CNTN4: variants seen among roughly 807,000 people sequenced by gnomAD.
The protein encoded by CNTN4 is contactin 4.
A neutral mutation model predicts 122.5 loss-of-function variants in CNTN4; 77 were observed. The ratio of observed to expected loss-of-function variants is 0.63; its 90% CI spans 0.52 to 0.76. The LOEUF (loss-of-function observed/expected upper bound fraction) is 0.76, where lower values mean the gene tolerates loss of function less well. Ranked by LOEUF, CNTN4 falls within the 30% of genes least tolerant of loss-of-function variation. CNTN4 has a pLI of 0.00. For synonymous variants in CNTN4, 512 were observed against 447.0 expected (o/e 1.15, Z -1.83); for missense variants, 1,256 against 1,259.1 (o/e 1.00, Z 0.04).
intron 2 of CNTN4, among the ~76,000 whole-genome samples, chr3:2,314,249 C>T (rs1177853497): frequency 6.6e-6 from 1 of 151,894 alleles, no homozygotes; most frequent in Non-Finnish European, 1.5e-5. Context: ...GTTTCATGCA[C>T]ACACATACAT....
At chr3:2,377,346 A>T (rs867784877) in intron 3 of CNTN4, among the ~76,000 whole-genome samples, 8 of 152,290 alleles carry the variant, frequency 5.3e-5, no homozygotes, top group Middle Eastern at 3.4e-3. Flanking sequence ...GTGCTTCATT[A>T]TACAAAGTAT....
rs569025804 is a variant in CNTN4, at chr3:2,374,642, G to A, written c.-89+35409G>A. Among the ~76,000 whole-genome samples, 9 of 151,808 alleles carry A rather than the reference G, an allele frequency of 5.9e-5. No homozygotes were observed. The South Asian group carries it at 1.9e-3, about 31-fold the overall frequency. On this transcript the variant is annotated intron_variant, in intron 3 of 24. Transcript: ENST00000418658. Reference sequence around the variant, plus strand: ...TGTGGCAAGGCTTGTTTGAAAAAAAGAAGAAAAAAAGGCCATGCTTCTAAT... The same window carrying A: ...TGTGGCAAGGCTTGTTTGAAAAAAAAAAGAAAAAAAGGCCATGCTTCTAAT...
At chr3:2,222,153 G>T (rs1042182917) in intron 2 of CNTN4, among the ~76,000 whole-genome samples, 2 of 152,150 alleles carry the variant, frequency 1.3e-5, no homozygotes, top group African/African-American at 4.8e-5. Flanking sequence ...CAACCCAGAT[G>T]TTCATTAACT....
chr3:3,054,301 G>C (rs567041549), intron 24 of CNTN4, among the ~76,000 whole-genome samples: 1 of 50,894 alleles, frequency 2.0e-5, no homozygotes, highest in Non-Finnish European at 6.8e-5. Flanking sequence ...AAAGTGAAAA[G>C]CATTGACTCA....
At chr3:2,983,180 C>T (rs1488482054) in intron 13 of CNTN4, among the ~76,000 whole-genome samples, 1 of 117,980 alleles carries the variant, frequency 8.5e-6, no homozygotes, top group African/African-American at 3.3e-5. Flanking sequence ...CAGCACTGCA[C>T]TCCAGCCTGG....
chr3:2,984,034 C>T (rs1031476394), intron 13 of CNTN4, among the ~76,000 whole-genome samples: 6 of 152,046 alleles, frequency 3.9e-5, no homozygotes, highest in African/African-American at 1.4e-4. Flanking sequence ...GACCCTAAAC[C>T]AATATCAGGC....
rs192398237 is a variant in CNTN4, at chr3:2,423,578, A to G, written c.-89+84345A>G. Among the ~76,000 whole-genome samples, 174 of 152,150 alleles carry G rather than the reference A, an allele frequency of 1.1e-3. 1 individual carries two copies. The highest frequency in any genetic ancestry group is 1.2e-4 in the Non-Finnish European group (8 of 67,988). ...CTAAAATGTACCTTAAATTCACTAC[A>G]AAAGAGAAAAGATGTTGATGAAAAA... On this transcript the variant is annotated intron_variant, in intron 3 of 24. Transcript: ENST00000418658.
chr3:2,477,871 G>T (rs146287909), intron 3 of CNTN4, among the ~76,000 whole-genome samples: 196 of 152,286 alleles, frequency 1.3e-3, no homozygotes, highest in Admixed American at 3.1e-3. Context: ...AAGGCAGTAA[G>T]CTCAGTAGGA....
At chr3:2,124,302 A>G (rs2033987614) in intron 2 of CNTN4, among the ~76,000 whole-genome samples, 2 of 152,180 alleles carry the variant, frequency 1.3e-5, no homozygotes, top group South Asian at 4.1e-4. Context: ...TAGCCATGCC[A>G]CTAAGGTCAA....
At chr3:2,400,194 C>G (rs892618986) in intron 3 of CNTN4, among the ~76,000 whole-genome samples, 2 of 151,688 alleles carry the variant, frequency 1.3e-5, no homozygotes, top group Non-Finnish European at 2.9e-5. Context: ...TCCTGTGTAA[C>G]CCTACCACGA....
At chr3:2,732,640 C>A (rs1199230475) in intron 4 of CNTN4, among the ~76,000 whole-genome samples, 2 of 152,160 alleles carry the variant, frequency 1.3e-5, no homozygotes, top group African/African-American at 2.4e-5. Flanking sequence ...GGATGCCTCT[C>A]CCCCTGTTTC....
intron 3 of CNTN4, among the ~76,000 whole-genome samples, chr3:2,565,436 C>G (rs975619130): frequency 3.3e-5 from 5 of 152,098 alleles, no homozygotes; most frequent in African/African-American, 7.2e-5. Flanking sequence ...GAAAATCCAG[C>G]AAGTTATTTG....
intron 3 of CNTN4, among the ~76,000 whole-genome samples, chr3:2,428,253 G>T (rs1452888717): frequency 6.6e-6 from 1 of 152,168 alleles, no homozygotes; most frequent in Non-Finnish European, 1.5e-5. Flanking sequence ...AGGAGCTCTT[G>T]TAAGGCAGGC....
chr3:2,417,160 T>A (rs2047447363), intron 3 of CNTN4, among the ~76,000 whole-genome samples: 1 of 152,194 alleles, frequency 6.6e-6, no homozygotes, highest in South Asian at 2.1e-4. Context: ...TTTAGCTTAC[T>A]TCCATTTCTC....
chr3:2,201,839 TAGAC>T (rs1280039971), intron 2 of CNTN4, among the ~76,000 whole-genome samples: 1 of 152,178 alleles, frequency 6.6e-6, no homozygotes, highest in Admixed American at 6.6e-5. Context: ...TTTTATCAGA[TAGAC>T]AGTGAGCCAT....
At chr3:2,182,084 A>G (rs2037041679) in intron 2 of CNTN4, among the ~76,000 whole-genome samples, 2 of 152,186 alleles carry the variant, frequency 1.3e-5, no homozygotes, top group Admixed American at 1.3e-4. Flanking sequence ...ATAAATTACA[A>G]GTTCCACCAT....
chr3:2,394,720 T>C (rs998609153), intron 3 of CNTN4, among the ~76,000 whole-genome samples: 4 of 152,110 alleles, frequency 2.6e-5, no homozygotes, highest in African/African-American at 9.7e-5. Context: ...ATGTTTATTA[T>C]GTTTGTACAC....
chr3:2,307,613 G>A (rs1559438195), intron 2 of CNTN4, among the ~76,000 whole-genome samples: 2 of 151,682 alleles, frequency 1.3e-5, no homozygotes, highest in South Asian at 4.2e-4. Context: ...TTCCTTGAGT[G>A]TTTTTTTATC....
chr3:3,022,042 T>C (rs1269905052), intron 14 of CNTN4, among the ~76,000 whole-genome samples: 3 of 134,900 alleles, frequency 2.2e-5, no homozygotes, highest in Admixed American at 8.2e-5. Flanking sequence ...CGGAGCAACA[T>C]GGCAAAAACC....
Sources: gnomAD v4.1 joint callset for allele counts (sites outside exome capture counted in the v4.1 genomes callset) on GRCh38, gnomAD v4.1.1 for gene constraint, MANE v1.5 for transcripts, NCBI Gene and HGNC (gene_info 2026-07-23, HGNC 2026-07-21) for gene names.